CFAP221: variants seen among roughly 807,000 people sequenced by gnomAD.
The protein encoded by CFAP221 is cilia- and flagella-associated protein 221.
In CFAP221, 97 loss-of-function variants were observed where a neutral mutation model predicts 113.1. The observed-to-expected ratio is 0.86, with a 90% CI of 0.73 to 1.02. CFAP221 has a LOEUF of 1.02. Ranked by LOEUF, CFAP221 falls within the 50% of genes least tolerant of loss-of-function variation. The pLI, the probability that CFAP221 is intolerant of heterozygous loss-of-function variation, is 0.00. For missense variants in CFAP221, 1,025 were observed against 1,013.4 expected (o/e 1.01, Z -0.16); for synonymous variants, 331 against 354.4 (o/e 0.93, Z 0.74).
chr2:119,624,635 G>A (rs1003566384), intron 14 of CFAP221, among the ~76,000 whole-genome samples: 39 of 152,166 alleles, frequency 2.6e-4, no homozygotes, highest in African/African-American at 8.4e-4. Flanking sequence ...GCCCATCAAT[G>A]ATAGACTGAA....
chr2:119,648,011 C>A lies in CFAP221; in HGVS notation c.2318+961C>A, dbSNP rs1440763958. On this transcript the variant is annotated intron_variant, in intron 22 of 23. Coordinates refer to ENST00000413369, the MANE Select transcript of CFAP221 (RefSeq NM_001271049.2). ...ACAGTACACCTTGGGCCACTGACTT[C>A]ACCTCTCAGTGCCCCAATGTCCTCA... Among the ~76,000 whole-genome samples, 4 of 152,206 alleles carry A rather than the reference C, an allele frequency of 2.6e-5. No homozygotes were observed. In the East Asian group the frequency reaches 7.7e-4, roughly 29 times the overall value.
chr2:119,649,394 C>G (rs1326578287), intron 22 of CFAP221, among the ~76,000 whole-genome samples: 1 of 152,172 alleles, frequency 6.6e-6, no homozygotes, highest in African/African-American at 2.4e-5. Context: ...CTAATGGGAC[C>G]TAACCTCATT....
intron 6 of CFAP221, among the ~76,000 whole-genome samples, chr2:119,567,955 C>T (rs1241562044): frequency 1.3e-5 from 2 of 151,976 alleles, no homozygotes; most frequent in African/African-American, 4.8e-5. Context: ...TTCTTTGTTT[C>T]CTTTTTTTAG....
chr2:119,643,618 C>A (rs545397536), intron 21 of CFAP221, among the ~76,000 whole-genome samples: 1 of 152,168 alleles, frequency 6.6e-6, no homozygotes, highest in Admixed American at 6.5e-5. Flanking sequence ...GATCTCAGCT[C>A]ACTGCAACCT....
chr2:119,610,723 T>C, intron 12 of CFAP221, among the ~76,000 whole-genome samples: 1 of 152,168 alleles, frequency 6.6e-6, no homozygotes, highest in Non-Finnish European at 1.5e-5. Flanking sequence ...ATTAGGGTGT[T>C]AATGTGATGA....
intron 15 of CFAP221, among the ~76,000 whole-genome samples, chr2:119,627,207 C>A (rs1686373229): frequency 6.6e-6 from 1 of 152,024 alleles, no homozygotes; most frequent in Non-Finnish European, 1.5e-5. Context: ...TCCACTGAGA[C>A]CCAAATGTGT....
rs759330690 is a variant in CFAP221 at position 119,605,256 on chromosome 2, A to T, written c.1100A>T (p.Asp367Val). 1 of 1,614,052 alleles carries T rather than the reference A, an allele frequency of 6.2e-7. No individual in the cohort carries two copies. The highest frequency in any genetic ancestry group is 2.2e-5 in the East Asian group (1 of 44,892). Residue 367 changes from aspartate to valine, a missense_variant, in exon 11 of 24, where the codon GAC becomes GTC. Transcript: ENST00000413369. ...CTCTTTGAACAGAAAGTCAGACAGG[A>T]CATTCACGAAGAGATGGAAAATCAT... is the stretch of plus-strand genomic sequence containing the variant. ...EALFEQKVRQ[D>V]IHEEMENHLK...
intron 5 of CFAP221, 117 bp downstream of exon 5, chr2:119,560,143 G>A: frequency 1.1e-5 from 9 of 793,550 alleles, no homozygotes; most frequent in Non-Finnish European, 1.8e-5. Flanking sequence ...TCTTGGCCCA[G>A]TACCGGGTGT....
intron 6 of CFAP221, among the ~76,000 whole-genome samples, chr2:119,563,382 G>T (rs938267931): frequency 6.6e-6 from 1 of 152,118 alleles, no homozygotes; most frequent in African/African-American, 2.4e-5. Flanking sequence ...ATCTGTGGTT[G>T]GTTAAATCCA....
chr2:119,606,036 G>T (rs190437807), intron 11 of CFAP221, among the ~76,000 whole-genome samples: 10 of 152,134 alleles, frequency 6.6e-5, no homozygotes, highest in African/African-American at 2.4e-4. Flanking sequence ...TGCAACATTT[G>T]CATATTTCAA....
intron 7 of CFAP221, among the ~76,000 whole-genome samples, chr2:119,595,996 G>A (rs1683939928): frequency 6.6e-6 from 1 of 152,098 alleles, no homozygotes; most frequent in South Asian, 2.1e-4. Flanking sequence ...TGAGCAAGGG[G>A]AGCAGTGTGC....
At position 119,625,638 on chromosome 2, in the gene CFAP221, AAG is replaced by A. The variant is rs766384319; in HGVS notation, c.1471_1472del (p.Ser491TyrfsTer30). The A allele has an allele frequency of 1.2e-6, 2 of 1,613,994 alleles. No homozygotes were observed. Among genetic ancestry groups the A allele is most frequent in the Non-Finnish European group, 1.7e-6 (2 of 1,179,826 alleles). ...CTGAGTGCTGTTCGTGAAATGGACA[AAG>A]AGAGTATACTGAGAAAGATTGGCCA... is the stretch of plus-strand genomic sequence containing the variant. On this transcript the variant is annotated frameshift_variant, in exon 15 of 24. Coordinates refer to ENST00000413369, the MANE Select transcript of CFAP221 (RefSeq NM_001271049.2). LOFTEE classifies it high-confidence loss of function.
At chr2:119,615,772 A>C in intron 14 of CFAP221, 63 bp downstream of exon 14, 1 of 1,311,922 alleles carries the variant, frequency 7.6e-7, no homozygotes, top group Non-Finnish European at 1.1e-6. Context: ...GAAATCAAGC[A>C]ATGGTGGTTT....
Position 119,560,009 on chromosome 2 carries a change from A to G in CFAP221, c.409A>G (p.Ile137Val), listed in dbSNP as rs979802886. ...PDEWRYYYDC[I>V]RVHCKGDDTL... ...TGAGTGGCGATACTATTATGACTGCATCCGTGTTCACTGTAAGGTAGGTCT... is the reference window on the plus strand; with the variant it reads ...TGAGTGGCGATACTATTATGACTGCGTCCGTGTTCACTGTAAGGTAGGTCT... Residue 137 changes from isoleucine to valine, a missense_variant, in exon 5 of 24, where the codon ATC (isoleucine) becomes GTC (valine). Physicochemically the swap from Ile to Val is conservative, Grantham distance 29. Transcript: ENST00000413369. 1.2e-5 allele frequency: 19 copies of G among 1,521,532 alleles called. No homozygotes were observed. The African/African-American group carries it at 2.4e-4, about 19-fold the overall frequency. The allele number at this position is 1,521,532 out of a possible 1,614,324, so 94.3% of individuals were successfully genotyped here. A position where few individuals can be genotyped will look rare whatever the true frequency, so the allele number is the denominator to read the frequency against.
In CFAP221 at chr2:119,559,919, G is replaced by C. The variant is rs749658208; in HGVS notation, c.328-9G>C. The C allele has an allele frequency of 3.0e-4, 455 of 1,533,848 alleles. No homozygotes were observed. Among genetic ancestry groups the C allele is most frequent in the Middle Eastern group, 3.3e-4 (2 of 6,010 alleles). ...GGCTTGTCCCAACAAGATGCCACCT[G>C]TCTTCCAGGAACACCACCTGGTCCC... On this transcript the variant is annotated splice_polypyrimidine_tract_variant and intron_variant, in intron 4 of 23. Transcript: ENST00000413369.
intron 19 of CFAP221, among the ~76,000 whole-genome samples, chr2:119,633,789 T>A: frequency 6.6e-6 from 1 of 152,196 alleles, no homozygotes; most frequent in East Asian, 1.9e-4. Flanking sequence ...TAACATCTGT[T>A]AAGAAGGCTA....
At chr2:119,615,730 G>A in intron 14 of CFAP221, 21 bp downstream of exon 14, 1 of 1,564,310 alleles carries the variant, frequency 6.4e-7, no homozygotes, top group Non-Finnish European at 8.8e-7. Context: ...GCACCAGCTG[G>A]AAATGTTGAT....
At chr2:119,558,305 C>A (rs916606789) in intron 3 of CFAP221, among the ~76,000 whole-genome samples, 17 of 152,296 alleles carry the variant, frequency 1.1e-4, no homozygotes, top group African/African-American at 3.8e-4. Flanking sequence ...TCCTCCCAGT[C>A]TCTCTCAAAA....
At chr2:119,638,192 T>C in intron 19 of CFAP221, 67 bp from the exon 20 acceptor site, 1 of 1,537,666 alleles carries the variant, frequency 6.5e-7, no homozygotes, top group African/African-American at 1.4e-5. Flanking sequence ...CATTAGCTGA[T>C]GCCTGTCCTA....
Sources: gnomAD v4.1 joint callset for allele counts (sites outside exome capture counted in the v4.1 genomes callset) on GRCh38, gnomAD v4.1.1 for gene constraint, MANE v1.5 for transcripts, NCBI Gene and HGNC (gene_info 2026-07-23, HGNC 2026-07-21) for gene names.